The following GON4L variants were observed in gnomAD, a reference collection of about 807,000 sequenced individuals.
The protein encoded by GON4L is GON-4-like protein.
A neutral mutation model predicts 211.8 loss-of-function variants in GON4L; 87 were observed. That is an observed-to-expected ratio of 0.41 (90% confidence interval 0.35 to 0.49). The LOEUF (loss-of-function observed/expected upper bound fraction) is 0.49, where lower values mean the gene tolerates loss of function less well. Among genes scored for constraint, GON4L ranks in the 20% least tolerant of loss-of-function variants. The pLI, the probability that GON4L is intolerant of heterozygous loss-of-function variation, is 0.15. For missense variants in GON4L, 2,155 were observed against 2,659.5 expected (o/e 0.81, Z 4.17); for synonymous variants, 875 against 962.6 (o/e 0.91, Z 1.68).
At chr1:155,756,170 GA>G in intron 27 of GON4L, among the ~76,000 whole-genome samples, 1 of 152,192 alleles carries the variant, frequency 6.6e-6, no homozygotes, top group South Asian at 2.1e-4. Context: ...ATTACTGTGA[GA>G]ATTAAATGTG....
chr1:155,807,091 C>CAAAA (rs5777956), intron 10 of GON4L, among the ~76,000 whole-genome samples: 2 of 119,470 alleles, frequency 1.7e-5, no homozygotes, highest in Non-Finnish European at 1.7e-5. Context: ...AGAGACATCT[C>CAAAA]AAAAAAAAAA....
At chr1:155,762,103 A>G in intron 23 of GON4L, 87 bp downstream of exon 23, 1 of 1,112,588 alleles carries the variant, frequency 9.0e-7, no homozygotes, top group Admixed American at 2.0e-5. Context: ...TAGCCTGAAA[A>G]ACAGACTTTA....
intron 11 of GON4L, among the ~76,000 whole-genome samples, chr1:155,804,141 G>A (rs188626540): frequency 6.6e-6 from 1 of 152,166 alleles, no homozygotes. Context: ...CTAGCTCTCT[G>A]GGAGGCCAAG....
At chr1:155,764,770 G>A in intron 21 of GON4L, 2 of 1,227,458 alleles carry the variant, frequency 1.6e-6, no homozygotes, top group Non-Finnish European at 2.4e-6. Context: ...TTAAAGTATG[G>A]TCAGGTGATT....
chr1:155,759,985 T>C (rs1435358843), intron 24 of GON4L, among the ~76,000 whole-genome samples: 1 of 145,408 alleles, frequency 6.9e-6, no homozygotes, highest in Non-Finnish European at 1.5e-5. Context: ...ATATATATGA[T>C]ATATATATAT....
intron 1 of GON4L, among the ~76,000 whole-genome samples, chr1:155,854,061 A>G (rs1000312479): frequency 6.6e-6 from 1 of 152,138 alleles, no homozygotes; most frequent in Non-Finnish European, 1.5e-5. Flanking sequence ...TACCCTCAAC[A>G]GTAAAAAATA....
chr1:155,756,630 TATC>T (rs1290692003), intron 27 of GON4L: 2 of 253,426 alleles, frequency 7.9e-6, no homozygotes, highest in African/African-American at 4.5e-5. Flanking sequence ...TGGCATACCT[TATC>T]ATGATTTTAG....
At chr1:155,832,587 C>T (rs1669902725) in intron 2 of GON4L, among the ~76,000 whole-genome samples, 1 of 152,088 alleles carries the variant, frequency 6.6e-6, no homozygotes, top group Non-Finnish European at 1.5e-5. Flanking sequence ...TGTGGTGAGC[C>T]AAGATCATGC....
At chr1:155,838,408 A>T (rs1670498578) in intron 2 of GON4L, among the ~76,000 whole-genome samples, 1 of 152,216 alleles carries the variant, frequency 6.6e-6, no homozygotes, top group Non-Finnish European at 1.5e-5. Context: ...ATTCTTACTT[A>T]GGGGTTCACC....
chr1:155,747,047 G>C, downstream of GON4L: 1 of 1,606,110 alleles, frequency 6.2e-7, no homozygotes. Context: ...ATGCGGTGTG[G>C]CCAGCCAACT....
intron 23 of GON4L, among the ~76,000 whole-genome samples, chr1:155,761,355 T>A (rs1661783294): frequency 6.6e-6 from 1 of 151,570 alleles, no homozygotes; most frequent in Admixed American, 6.6e-5. Context: ...CTCACTATTT[T>A]TTTTTTATTT....
At position 155,775,144 on chromosome 1, in the gene GON4L, G is replaced by A. The variant is rs184519354; in HGVS notation, c.2208C>T (p.Ser736=). The change falls in exon 17 of 32, where the codon TCC becomes TCT. Residue 736 remains serine (S), a synonymous_variant. Transcript: ENST00000368331. ...LKELGTFAQS[S]IALHHQYNPK... is the part of the protein sequence containing the mutation. Reference sequence around the variant, plus strand: ...GGTTGTACTGATGGTGAAGGGCGATGGAGCTTTGAGCAAAGGTTCCCAGCT... The same window carrying A: ...GGTTGTACTGATGGTGAAGGGCGATAGAGCTTTGAGCAAAGGTTCCCAGCT... 76 of 1,614,148 alleles carry A rather than the reference G, an allele frequency of 4.7e-5. No homozygotes were observed. In the East Asian group the frequency reaches 1.5e-3, roughly 32 times the overall value.
chr1:155,853,430 G>A lies in GON4L; in HGVS notation c.351C>T (p.His117=), dbSNP rs1671994767. ...SLESFHPLNI[H]IGKGKLHATG... Reference sequence around the variant, plus strand: ...TAGCGTGGAGTTTTCCTTTACCAATGTGTATATTAAGGGGGTGAAAAGACT... The same window carrying A: ...TAGCGTGGAGTTTTCCTTTACCAATATGTATATTAAGGGGGTGAAAAGACT... The change falls in exon 2 of 32, where the codon CAC becomes CAT. Residue 117 remains histidine (H), a synonymous_variant. Transcript: ENST00000368331. 1 of 1,613,982 alleles carries A rather than the reference G, an allele frequency of 6.2e-7. No individual in the cohort carries two copies. The highest frequency in any genetic ancestry group is 1.3e-5 in the African/African-American group (1 of 74,886).
Position 155,766,070 on chromosome 1 carries a change from G to C in GON4L, c.3403C>G (p.Pro1135Ala). The stretch of plus-strand genomic sequence containing the variant: ...ACAGATGCAGGGTGGTGGATAACAG[G>C]GGCAGGTTTCATACAGGGAGAGGCC... ...VKASPCMKPA[P>A]VIHHPASVIF... Residue 1135 changes from proline to alanine, a missense_variant, in exon 21 of 32, where the codon CCT becomes GCT. Around this residue, in one of 6 missense-constraint regions of GON4L, gnomAD observed 615 missense variants for 625.7 expected, o/e 0.98. Transcript: ENST00000368331. 6.2e-7 allele frequency: 1 copy of C among 1,614,152 alleles called. No homozygotes were observed. Among genetic ancestry groups the C allele is most frequent in the Non-Finnish European group, 8.5e-7 (1 of 1,180,014 alleles).
chr1:155,798,576 ATTTTTTTT>A (rs34273258), intron 11 of GON4L, among the ~76,000 whole-genome samples: 1 of 89,542 alleles, frequency 1.1e-5, no homozygotes, highest in Non-Finnish European at 2.0e-5. Context: ...CGTCAGGCTA[ATTTTTTTT>A]TTTTTTTTTT....
chr1:155,766,732 G>T, intron 20 of GON4L, 23 bp from the exon 21 acceptor site: 1 of 1,613,654 alleles, frequency 6.2e-7, no homozygotes, highest in Non-Finnish European at 8.5e-7. Flanking sequence ...AGAACACTCT[G>T]ATCCAGCATA....
rs1316008257 is a variant in GON4L at position 155,798,579 on chromosome 1, T to TTA, written c.1646-3429_1646-3428insTA. On this transcript the variant is annotated intron_variant, in intron 11 of 31. Coordinates refer to ENST00000368331, the MANE Select transcript of GON4L (RefSeq NM_001282860.2). ...CACCCGCCACCACGTCAGGCTAATT[T>TTA]TTTTTTTTTTTTTTTTTTTTTAGTA... Among the ~76,000 whole-genome samples, 12 of 141,490 alleles carry TTA rather than the reference T, an allele frequency of 8.5e-5. No individual in the cohort carries two copies. In the South Asian group the frequency reaches 2.8e-3, roughly 34 times the overall value. 92.8% of individuals were successfully genotyped at this position (141,490 alleles called of 152,430 possible).
chr1:155,788,702 ATAT>A (rs1283015144), intron 12 of GON4L, among the ~76,000 whole-genome samples: 1 of 152,210 alleles, frequency 6.6e-6, no homozygotes, highest in East Asian at 1.9e-4. Flanking sequence ...AATCTCAAAA[ATAT>A]TATGCTGAGT....
chr1:155,785,446 A>ATTATACGTTGTCTTC, intron 12 of GON4L, 72 bp from the exon 13 acceptor site: 1 of 1,058,078 alleles, frequency 9.5e-7, no homozygotes, highest in Non-Finnish European at 1.5e-6. Flanking sequence ...CCATGAAGAC[A>ATTATACGTTGTCTTC]ATGTATAATG....
Sources: allele counts gnomAD v4.1 joint callset (sites outside exome capture counted in the v4.1 genomes callset), GRCh38; gene constraint gnomAD v4.1.1; regional missense constraint gnomAD v4.1.1; transcripts MANE v1.5; gene names NCBI Gene and HGNC (gene_info 2026-07-23, HGNC 2026-07-21).